Variants in PAFAH2 observed in about 807,000 individuals in gnomAD.
The protein encoded by PAFAH2 is platelet activating factor acetylhydrolase 2.
Under a neutral mutation model 49.0 loss-of-function variants are expected in PAFAH2, and 42 were observed. The ratio of observed to expected loss-of-function variants is 0.86; its 90% confidence interval spans 0.67 to 1.11. PAFAH2 has a LOEUF of 1.11. Ranked by LOEUF, PAFAH2 falls within the 50% of genes least tolerant of loss-of-function variation. The pLI is 0.00. For missense variants in PAFAH2, 503 were observed against 501.8 expected, an observed-to-expected ratio of 1.00 and a Z score of -0.02; for synonymous variants, 184 against 181.3, an observed-to-expected ratio of 1.01 and a Z score of -0.12.
At chr1:25,963,755 C>A (rs934463899) in intron 10 of PAFAH2, among the ~76,000 whole-genome samples, 3 of 152,246 alleles carry the variant, frequency 2.0e-5, no homozygotes, top group Admixed American at 6.5e-5. Flanking sequence ...CCCGCCTCGG[C>A]CTCCCAAAGT....
intron 1 of PAFAH2, chr1:25,997,460 G>C (rs1377528444): frequency 6.6e-6 from 1 of 152,240 alleles, no homozygotes; most frequent in Non-Finnish European, 1.5e-5. Flanking sequence ...GAGACTGATG[G>C]AGCAACAGTC....
chr1:25,974,534 T>C lies in PAFAH2; in HGVS notation c.875A>G (p.Asn292Ser), dbSNP rs778509760. 27 of 1,613,972 alleles carry C rather than the reference T, an allele frequency of 1.7e-5. No individual in the cohort carries two copies. Among genetic ancestry groups the C allele is most frequent in the Admixed American group, 6.7e-5 (4 of 59,986 alleles). The change falls in exon 9 of 11, where the codon AAT becomes AGT. Residue 292 changes from asparagine (N) to serine (S), a missense_variant. By Grantham distance (46) the Asn-to-Ser change is conservative (BLOSUM62 1). Coordinates refer to ENST00000374282, the MANE Select transcript of PAFAH2 (RefSeq NM_000437.4). The part of the protein sequence containing the change: ...TEKFQTMESV[N>S]LMKKICAQHE... ...CTGGGCACATATCTTCTTCATCAAA[T>C]TGACACTCTCCATTGTCTGGAATTT...
At chr1:25,966,526 TGCTGTAC>T (rs2049425916) in intron 10 of PAFAH2, among the ~76,000 whole-genome samples, 1 of 152,144 alleles carries the variant, frequency 6.6e-6, no homozygotes, top group East Asian at 1.9e-4. Context: ...AAATACCGAA[TGCTGTAC>T]CGAATGCTGT....
chr1:25,976,948 A>T (rs2049598805), intron 7 of PAFAH2, among the ~76,000 whole-genome samples, 175 bp from the exon 8 acceptor site: 2 of 152,080 alleles, frequency 1.3e-5, no homozygotes, highest in South Asian at 4.1e-4. Flanking sequence ...GGCAACAGTC[A>T]AGCAATCCTT....
intron 4 of PAFAH2, among the ~76,000 whole-genome samples, chr1:25,986,309 A>C (rs920856225): frequency 3.3e-5 from 5 of 152,234 alleles, no homozygotes; most frequent in African/African-American, 1.2e-4. Flanking sequence ...AGAGAAGAGC[A>C]GAACGGTGAA....
chr1:25,988,675 C>G (rs1435594166), intron 3 of PAFAH2, among the ~76,000 whole-genome samples: 1 of 151,652 alleles, frequency 6.6e-6, no homozygotes, highest in Non-Finnish European at 1.5e-5. Context: ...TGGTGGCGGG[C>G]TCCTATAATC....
At chr1:25,986,061 G>A (rs1156665401) in intron 4 of PAFAH2, among the ~76,000 whole-genome samples, 1 of 152,226 alleles carries the variant, frequency 6.6e-6, no homozygotes, top group Non-Finnish European at 1.5e-5. Context: ...TCTGCCTTCA[G>A]AAGGCTTACA....
intron 10 of PAFAH2, among the ~76,000 whole-genome samples, chr1:25,968,111 G>A (rs2049454334): frequency 6.6e-6 from 1 of 152,106 alleles, no homozygotes; most frequent in Admixed American, 6.6e-5. Context: ...GTTGCAGTGA[G>A]CTGAGATGGC....
chr1:25,977,989 C>T (rs1421348954), intron 7 of PAFAH2, among the ~76,000 whole-genome samples: 1 of 152,098 alleles, frequency 6.6e-6, no homozygotes, highest in African/African-American at 2.4e-5. Context: ...TATTTCTAGT[C>T]GTCCCCAGAA....
At chr1:25,968,755 G>A (rs911518262) in intron 10 of PAFAH2, among the ~76,000 whole-genome samples, 6 of 151,938 alleles carry the variant, frequency 3.9e-5, no homozygotes, top group Non-Finnish European at 8.8e-5. Context: ...TTTGAGACAG[G>A]GTCTCACTGT....
chr1:25,989,102 C>T (rs1362084638), intron 3 of PAFAH2, among the ~76,000 whole-genome samples: 2 of 152,116 alleles, frequency 1.3e-5, no homozygotes, highest in African/African-American at 4.8e-5. Flanking sequence ...GCAATCAGTG[C>T]CATTTATGGA....
At chr1:25,988,806 CAAAAAAAAAAAAAAAA>C (rs59169423) in intron 3 of PAFAH2, among the ~76,000 whole-genome samples, 1 of 54,344 alleles carries the variant, frequency 1.8e-5, no homozygotes, top group East Asian at 6.3e-4. Flanking sequence ...TCCATCTCAC[CAAAAAAAAAAAAAAAA>C]AAAAAAAAAA....
At chr1:25,991,603 C>T (rs2049877059) in intron 1 of PAFAH2, among the ~76,000 whole-genome samples, 1 of 145,696 alleles carries the variant, frequency 6.9e-6, no homozygotes, top group African/African-American at 2.5e-5. Flanking sequence ...CTATTAAGAC[C>T]TTGTTTTGGC....
At chr1:25,975,540 C>T (rs1174400885) in intron 8 of PAFAH2, among the ~76,000 whole-genome samples, 1 of 152,124 alleles carries the variant, frequency 6.6e-6, no homozygotes, top group Non-Finnish European at 1.5e-5. Context: ...TACCACTGCA[C>T]TCCAGCATAG....
rs537747118 is a variant in PAFAH2, at chr1:25,981,950, G to A, written c.666+414C>T. Among the ~76,000 whole-genome samples the A allele has an allele frequency of 1.8e-4, 28 of 152,152 alleles. No homozygotes were observed. In the South Asian group the frequency reaches 3.1e-3, roughly 17 times the overall value. ...GCAGGAGAATCGCTTGAACCCGGGA[G>A]GCGGAGGTTGCAGTAAGCCAAGATT... On this transcript the variant is annotated intron_variant, in intron 7 of 10. Coordinates refer to ENST00000374282, the MANE Select transcript of PAFAH2 (RefSeq NM_000437.4).
At position 25,962,015 on chromosome 1, in the gene PAFAH2, C is replaced by CT. The variant is rs745340726; in HGVS notation, c.1152_1153insA (p.Ala385SerfsTer16). 1.9e-6 allele frequency: 3 copies of CT among 1,613,458 alleles called. No individual in the cohort carries two copies. The East Asian group carries it at 6.7e-5, about 36-fold the overall frequency. On this transcript the variant is annotated frameshift_variant, in exon 11 of 11. Transcript: ENST00000374282. LOFTEE classifies it high-confidence loss of function. ...TACAGGCTGGACAGATGGTGGGGGG[C>CT]CCCTGGGGTGAGCGACGGTCCAATG...
chr1:25,972,616 G>C lies in PAFAH2; in HGVS notation c.1026C>G (p.Pro342=), dbSNP rs1371036053. The change falls in exon 10 of 11, where the codon CCC becomes CCG. Residue 342 remains proline (P), a synonymous_variant. Transcript: ENST00000374282. ...FSTETRGSLD[P]YEGQEVMVRA... ...GTACCATAACCTCCTGCCCTTCATA[G>C]GGGTCCAGGCTCCCACGGGTTTCAG... 1 of 1,613,928 alleles carries C rather than the reference G, an allele frequency of 6.2e-7. No homozygotes were observed. The highest frequency in any genetic ancestry group is 1.3e-5 in the African/African-American group (1 of 75,040).
chr1:25,963,657 C>A (rs955695206), intron 10 of PAFAH2, among the ~76,000 whole-genome samples: 1 of 152,188 alleles, frequency 6.6e-6, no homozygotes, highest in African/African-American at 2.4e-5. Context: ...GCATGCACCA[C>A]CACACCCAGC....
intron 1 of PAFAH2, among the ~76,000 whole-genome samples, chr1:25,992,219 C>T (rs921221982): frequency 6.6e-6 from 1 of 152,170 alleles, no homozygotes; most frequent in Non-Finnish European, 1.5e-5. Flanking sequence ...GTAAGAGCCA[C>T]CACACCCAGC....
Sources: gnomAD v4.1 joint callset for allele counts (sites outside exome capture counted in the v4.1 genomes callset) on GRCh38, gnomAD v4.1.1 for gene constraint, MANE v1.5 for transcripts, NCBI Gene and HGNC (gene_info 2026-07-23, HGNC 2026-07-21) for gene names.